The following LPP variants were observed in gnomAD, a reference collection of about 807,000 sequenced individuals.
LPP encodes LIM domain containing preferred translocation partner in lipoma.
LPP carries 38 observed loss-of-function variants against 60.4 expected under a neutral mutation model. The ratio of observed to expected loss-of-function variants is 0.63; its 90% CI spans 0.49 to 0.83. The LOEUF (loss-of-function observed/expected upper bound fraction) is 0.83, where lower values mean the gene tolerates loss of function less well. LPP is among the 40% of genes least tolerant of loss of function. The pLI, the probability that LPP is intolerant of heterozygous loss-of-function variation, is 0.00. For synonymous variants in LPP, 328 were observed against 290.8 expected (o/e 1.13, Z -1.30); for missense variants, 902 against 783.6 (o/e 1.15, Z -1.80).
chr3:188,462,943 C>T (rs918475941), intron 4 of LPP, among the ~76,000 whole-genome samples: 1 of 151,904 alleles, frequency 6.6e-6, no homozygotes, highest in African/African-American at 2.4e-5. Flanking sequence ...ACTGTCTCTA[C>T]TAAAAATACA....
intron 4 of LPP, among the ~76,000 whole-genome samples, chr3:188,444,647 A>G (rs1170040399): frequency 6.6e-6 from 1 of 152,198 alleles, no homozygotes; most frequent in East Asian, 1.9e-4. Context: ...ATCTAATTAA[A>G]CTAAAGAGCT....
At chr3:188,871,695 A>T (rs751400132) in intron 10 of LPP, among the ~76,000 whole-genome samples, 1 of 152,144 alleles carries the variant, frequency 6.6e-6, no homozygotes, top group Admixed American at 6.6e-5. Context: ...TTCAGTTCTT[A>T]TCCAGGTCCA....
chr3:188,493,265 T>A (rs1408591674), intron 5 of LPP, among the ~76,000 whole-genome samples: 3 of 152,208 alleles, frequency 2.0e-5, no homozygotes, highest in Non-Finnish European at 4.4e-5. Context: ...TTAGTATCAT[T>A]TAGTATTCAG....
chr3:188,846,545 A>G (rs1346068861), intron 9 of LPP, among the ~76,000 whole-genome samples: 1 of 151,968 alleles, frequency 6.6e-6, no homozygotes, highest in Non-Finnish European at 1.5e-5. Context: ...TTAGGCGGGC[A>G]TGGTGGCGGG....
intron 6 of LPP, among the ~76,000 whole-genome samples, chr3:188,559,485 C>A (rs982697803): frequency 2.6e-5 from 4 of 151,914 alleles, no homozygotes; most frequent in Non-Finnish European, 5.9e-5. Context: ...GATGATGGTA[C>A]TATAAGAGCT....
At chr3:188,552,679 T>C (rs35285200) in intron 6 of LPP, among the ~76,000 whole-genome samples, 50,531 of 151,888 alleles carry the variant, frequency 0.33, 8,750 homozygotes, top group African/African-American at 0.38. Flanking sequence ...TCTAGTGACA[T>C]TGCATTTCTC....
intron 3 of LPP, among the ~76,000 whole-genome samples, chr3:188,374,549 C>G (rs934036576): frequency 1.3e-5 from 2 of 152,126 alleles, no homozygotes; most frequent in African/African-American, 4.8e-5. Context: ...GATTTTTGTA[C>G]AATGATTTTG....
At chr3:188,798,506 A>G (rs1746048201) in intron 9 of LPP, among the ~76,000 whole-genome samples, 1 of 152,210 alleles carries the variant, frequency 6.6e-6, no homozygotes, top group Non-Finnish European at 1.5e-5. Context: ...TTCAGTCTCA[A>G]CATCCTAAGT....
chr3:188,809,312 T>C (rs1375477829), intron 9 of LPP, among the ~76,000 whole-genome samples: 1 of 152,100 alleles, frequency 6.6e-6, no homozygotes, highest in African/African-American at 2.4e-5. Context: ...AGTGTAAAAA[T>C]GTTCCTATTT....
In LPP at chr3:188,885,444, G is replaced by C. The variant is rs1578136307; in HGVS notation, c.*10965G>C. On this transcript the variant is annotated 3_prime_UTR_variant, in exon 12 of 12. Transcript: ENST00000617246. ...GGGCGACATTAATGGGAGCGGGAGAGTGGTGGCTTTGGTTGAGATGCACGT... is the reference window on the plus strand; with the variant it reads ...GGGCGACATTAATGGGAGCGGGAGACTGGTGGCTTTGGTTGAGATGCACGT... 1.6e-5 allele frequency: 3 copies of C among 189,358 alleles called. No homozygotes were observed. The East Asian group carries it at 2.5e-4, about 16-fold the overall frequency. 11.7% of individuals were successfully genotyped at this position (189,358 alleles called of 1,614,324 possible). A position where few individuals can be genotyped will look rare whatever the true frequency, so the allele number is the denominator to read the frequency against.
chr3:188,391,296 C>G (rs1208862665), intron 3 of LPP, among the ~76,000 whole-genome samples: 2 of 152,228 alleles, frequency 1.3e-5, no homozygotes, highest in Non-Finnish European at 2.9e-5. Flanking sequence ...ATGCCTCTTC[C>G]CCCTGGACTG....
At chr3:188,344,977 T>C (rs1578220008) in intron 3 of LPP, among the ~76,000 whole-genome samples, 1 of 152,320 alleles carries the variant, frequency 6.6e-6, no homozygotes, top group East Asian at 1.9e-4. Flanking sequence ...TCACTGGATC[T>C]GTAAAGGAGA....
At chr3:188,682,822 A>G (rs1859821559) in intron 7 of LPP, among the ~76,000 whole-genome samples, 1 of 152,154 alleles carries the variant, frequency 6.6e-6, no homozygotes, top group Admixed American at 6.5e-5. Context: ...CAGATTTGGC[A>G]CATATGCATG....
chr3:188,211,123 C>T (rs549392088), intron 1 of LPP, among the ~76,000 whole-genome samples: 9 of 152,226 alleles, frequency 5.9e-5, no homozygotes, highest in South Asian at 2.1e-4. Flanking sequence ...CAAGTAGAAG[C>T]TGCTTTTAGG....
chr3:188,766,992 C>T (rs1003795321), intron 9 of LPP, among the ~76,000 whole-genome samples: 2 of 152,126 alleles, frequency 1.3e-5, no homozygotes, highest in Admixed American at 1.3e-4. Flanking sequence ...CAAACTTTGC[C>T]TTCTATACAG....
At position 188,874,531 on chromosome 3, in the gene LPP, T is replaced by C; in HGVS notation, c.*52T>C. ...GAGAAGAACGAACACAAGAAAAAGA[T>C]AAGAAATACTAGAGTAAAGGCCATC... is the stretch of plus-strand genomic sequence containing the variant. On this transcript the variant is annotated 3_prime_UTR_variant, in exon 12 of 12. Transcript: ENST00000617246. 1 of 1,591,666 alleles carries C rather than the reference T, an allele frequency of 6.3e-7. No individual in the cohort carries two copies. Among genetic ancestry groups the C allele is most frequent in the Non-Finnish European group, 8.6e-7 (1 of 1,163,710 alleles).
At chr3:188,624,754 C>CCT (rs1329292386) in intron 7 of LPP, among the ~76,000 whole-genome samples, 2 of 116,486 alleles carry the variant, frequency 1.7e-5, no homozygotes, top group African/African-American at 5.8e-5. Flanking sequence ...CCCTTCCCTT[C>CCT]TCCTTCTCCT....
chr3:188,657,281 T>TATATATA (rs10529848), intron 7 of LPP, among the ~76,000 whole-genome samples: 6 of 143,562 alleles, frequency 4.2e-5, no homozygotes, highest in Admixed American at 7.0e-5. Flanking sequence ...TATATATATA[T>TATATATA]TTCCAAAAGC....
At chr3:188,529,973 G>C (rs142321233) in intron 6 of LPP, among the ~76,000 whole-genome samples, 10 of 152,326 alleles carry the variant, frequency 6.6e-5, no homozygotes, top group African/African-American at 2.2e-4. Flanking sequence ...GTGTCAGAGA[G>C]GACTGCGTAG....
Sources: gnomAD v4.1 joint callset for allele counts (sites outside exome capture counted in the v4.1 genomes callset) on GRCh38, gnomAD v4.1.1 for gene constraint, MANE v1.5 for transcripts, NCBI Gene and HGNC (gene_info 2026-07-23, HGNC 2026-07-21) for gene names.